TENM4: variants seen among roughly 807,000 people sequenced by gnomAD.
The protein encoded by TENM4 is teneurin transmembrane protein 4.
Under a neutral mutation model 243.3 loss-of-function variants are expected in TENM4, and 82 were observed. The observed-to-expected ratio is 0.34, with a 90% CI of 0.28 to 0.40. The LOEUF is 0.40. Ranked by LOEUF, TENM4 falls within the 10% of genes least tolerant of loss-of-function variation. The pLI, the probability that TENM4 is intolerant of heterozygous loss-of-function variation, is 1.00. For synonymous variants in TENM4, 1,412 were observed against 1,456.3 expected (o/e 0.97, Z 0.69); for missense variants, 3,138 against 3,673.3 (o/e 0.85, Z 3.77).
intron 22 of TENM4, 72 bp from the exon 23 acceptor site, chr11:78,726,294 A>G: frequency 6.5e-7 from 1 of 1,529,914 alleles, no homozygotes; most frequent in Non-Finnish European, 8.8e-7. Context: ...ACCTGTAGGC[A>G]AGGCCCCTGG....
intron 7 of TENM4, among the ~76,000 whole-genome samples, chr11:78,899,559 C>CA (rs375147197): frequency 3.4e-5 from 1 of 29,590 alleles, no homozygotes; most frequent in African/African-American, 7.2e-5. Context: ...TCTCAAAAAG[C>CA]GGGGGGGGGG....
chr11:79,186,866 A>C (rs1442019699), intron 3 of TENM4, among the ~76,000 whole-genome samples: 2 of 152,162 alleles, frequency 1.3e-5, no homozygotes, highest in Non-Finnish European at 2.9e-5. Flanking sequence ...CACAGCTCTA[A>C]TTTACTGCAT....
At chr11:79,062,224 G>A (rs1157083077) in intron 6 of TENM4, among the ~76,000 whole-genome samples, 2 of 152,160 alleles carry the variant, frequency 1.3e-5, no homozygotes, top group Non-Finnish European at 2.9e-5. Flanking sequence ...GCCTCTGAAA[G>A]TGCTAGGATT....
At chr11:79,158,224 A>T (rs1862663592) in intron 3 of TENM4, among the ~76,000 whole-genome samples, 1 of 152,244 alleles carries the variant, frequency 6.6e-6, no homozygotes, top group South Asian at 2.1e-4. Context: ...CACAAATAAA[A>T]AATACTCATA....
intron 6 of TENM4, among the ~76,000 whole-genome samples, chr11:78,913,614 TG>T: frequency 6.6e-6 from 1 of 151,124 alleles, no homozygotes; most frequent in Non-Finnish European, 1.5e-5. Flanking sequence ...TGTGTGTGTG[TG>T]TGTGTGTGTG....
At chr11:79,350,633 T>G (rs1160792083) in intron 1 of TENM4, among the ~76,000 whole-genome samples, 5 of 147,644 alleles carry the variant, frequency 3.4e-5, no homozygotes, top group Middle Eastern at 3.5e-3. Context: ...GAGATGGGGG[T>G]CTCACTGTGT....
chr11:78,891,441 G>C, intron 7 of TENM4, 105 bp from the exon 8 acceptor site: 1 of 990,292 alleles, frequency 1.0e-6, no homozygotes, highest in South Asian at 1.5e-5. Context: ...GTGTGCGTAA[G>C]ACCAGCGGGA....
intron 2 of TENM4, among the ~76,000 whole-genome samples, chr11:79,247,879 T>G (rs975546815): frequency 1.3e-5 from 2 of 152,228 alleles, no homozygotes; most frequent in African/African-American, 4.8e-5. Context: ...TTTCCTCTGC[T>G]GTTTTTACAG....
At chr11:79,332,463 T>C (rs1488309023) in intron 1 of TENM4, among the ~76,000 whole-genome samples, 1 of 152,132 alleles carries the variant, frequency 6.6e-6, no homozygotes, top group African/African-American at 2.4e-5. Context: ...TTGAACAACT[T>C]GAACTGTCAC....
intron 1 of TENM4, among the ~76,000 whole-genome samples, chr11:79,377,379 C>A (rs927984909): frequency 6.6e-6 from 1 of 152,174 alleles, no homozygotes; most frequent in Non-Finnish European, 1.5e-5. Context: ...GGTCCAGACA[C>A]CCAGCATGTC....
At chr11:78,697,014 A>G (rs1858984797) in intron 28 of TENM4, among the ~76,000 whole-genome samples, 1 of 152,170 alleles carries the variant, frequency 6.6e-6, no homozygotes, top group Non-Finnish European at 1.5e-5. Context: ...TAGAGTGGTC[A>G]GGGGTGTATG....
At chr11:79,421,653 G>A (rs1199131772) in intron 1 of TENM4, among the ~76,000 whole-genome samples, 1 of 151,770 alleles carries the variant, frequency 6.6e-6, no homozygotes, top group Non-Finnish European at 1.5e-5. Flanking sequence ...AATTAAATAG[G>A]AGCTAAAGGA....
chr11:78,889,919 G>C lies in TENM4; in HGVS notation c.950C>G (p.Pro317Arg). The change falls in exon 9 of 34, where the codon CCC (proline) becomes CGC (arginine). Residue 317 changes from proline to arginine, a missense_variant. Pro to Arg is a moderately radical substitution (Grantham distance 103, BLOSUM62 -2). Coordinates refer to ENST00000278550, the MANE Select transcript of TENM4 (RefSeq NM_001098816.3). Reference protein sequence around the residue: ...SSTVYSPPPRPLPRSTFARPA... With the variant: ...SSTVYSPPPRRLPRSTFARPA... ...CCGGGCGAAGGTGCTGCGGGGCAGG[G>C]GTCGGGGCGGAGGAGAGTACACTGT... 6.4e-7 allele frequency: 1 copy of C among 1,551,764 alleles called. No individual in the cohort carries two copies. The highest frequency in any genetic ancestry group is 1.2e-5 in the South Asian group (1 of 84,064).
At chr11:79,405,141 T>C (rs1449116112) in intron 1 of TENM4, among the ~76,000 whole-genome samples, 1 of 152,190 alleles carries the variant, frequency 6.6e-6, no homozygotes, top group Admixed American at 6.5e-5. Flanking sequence ...AATTCACTAG[T>C]AGTAATAATG....
At chr11:78,672,803 T>G (rs1248555447) in intron 30 of TENM4, among the ~76,000 whole-genome samples, 2 of 152,060 alleles carry the variant, frequency 1.3e-5, no homozygotes, top group African/African-American at 4.8e-5. Context: ...TCGTGGCTGG[T>G]GAGTGACGGA....
At chr11:78,987,003 A>G (rs1857934790) in intron 6 of TENM4, among the ~76,000 whole-genome samples, 1 of 152,250 alleles carries the variant, frequency 6.6e-6, no homozygotes, top group South Asian at 2.1e-4. Context: ...AGGAATATAT[A>G]AACACATAGT....
chr11:78,717,419 ACCAGTG>A (rs1022666201), intron 25 of TENM4, among the ~76,000 whole-genome samples: 3 of 152,196 alleles, frequency 2.0e-5, no homozygotes, highest in African/African-American at 7.2e-5. Context: ...GGTTCTCAGA[ACCAGTG>A]GGAAGAGGTT....
chr11:79,025,633 G>A (rs555431287), intron 6 of TENM4, among the ~76,000 whole-genome samples: 1 of 152,178 alleles, frequency 6.6e-6, no homozygotes, highest in Non-Finnish European at 1.5e-5. Context: ...AAAGTAGCCT[G>A]TGTAAGGTCC....
intron 4 of TENM4, among the ~76,000 whole-genome samples, chr11:79,080,796 C>T (rs1042255195): frequency 6.6e-6 from 1 of 152,192 alleles, no homozygotes. Flanking sequence ...CTAGAAAAAC[C>T]CTTTTCCTAG....
Sources: gnomAD v4.1 joint callset for allele counts (sites outside exome capture counted in the v4.1 genomes callset) on GRCh38, gnomAD v4.1.1 for gene constraint, MANE v1.5 for transcripts, NCBI Gene and HGNC (gene_info 2026-07-23, HGNC 2026-07-21) for gene names.